Variants in DPP7 observed in about 807,000 individuals in gnomAD.
The protein encoded by DPP7 is dipeptidyl peptidase 2.
In DPP7, 74 loss-of-function variants were observed where a neutral mutation model predicts 58.8. That is an observed-to-expected ratio of 1.26 (90% CI 1.04 to 1.53). DPP7 has a LOEUF of 1.53. Ranked by LOEUF, DPP7 falls within the 40% of genes most tolerant of loss-of-function variation. DPP7 has a pLI of 0.00. For missense variants in DPP7, 807 were observed against 692.3 expected (o/e 1.17, Z -1.86); for synonymous variants, 350 against 303.6 (o/e 1.15, Z -1.59).
chr9:137,113,106 G>T lies in DPP7; in HGVS notation c.717C>A (p.Val239=). 1 of 1,613,628 alleles carries T rather than the reference G, an allele frequency of 6.2e-7. No individual in the cohort carries two copies. The highest frequency in any genetic ancestry group is 8.5e-7 in the Non-Finnish European group (1 of 1,180,024). ...DLFLQGAYDT[V]RWEFGTCQPL... is the part of the protein sequence containing the mutation. Reference sequence around the variant, plus strand: ...GCTGGCAGGTGCCGAACTCCCAGCGGACCGTGTCGTAGGCTGCGTGGAAGG... The same window carrying T: ...GCTGGCAGGTGCCGAACTCCCAGCGTACCGTGTCGTAGGCTGCGTGGAAGG... The change falls in exon 7 of 13, where the codon GTC becomes GTA. Residue 239 remains valine (V), a synonymous_variant. Transcript: ENST00000371579.
intron 8 of DPP7, 73 bp from the exon 9 acceptor site, chr9:137,112,303 C>A: frequency 7.8e-7 from 1 of 1,281,022 alleles, no homozygotes; most frequent in African/African-American, 1.5e-5. Context: ...CAACCTGTCC[C>A]CCCTCGGAAT....
rs1831306892 is a variant in DPP7 at position 137,110,608 on chromosome 9, C to G, written c.*40G>C. ...GCCGCCAGCTGCTTGAGTGAAGCCCCCACTCCATGAGGAGCCTTGAGACCC... is the reference window on the plus strand; with the variant it reads ...GCCGCCAGCTGCTTGAGTGAAGCCCGCACTCCATGAGGAGCCTTGAGACCC... On this transcript the variant is annotated 3_prime_UTR_variant, in exon 13 of 13. Coordinates refer to ENST00000371579, the MANE Select transcript of DPP7 (RefSeq NM_013379.3). 1.3e-6 allele frequency: 2 copies of G among 1,590,514 alleles called. No individual in the cohort carries two copies. Among genetic ancestry groups the G allele is most frequent in the Non-Finnish European group, 1.7e-6 (2 of 1,168,252 alleles).
In DPP7 at chr9:137,112,218, T is replaced by C. The variant is rs1318099328; in HGVS notation, c.944A>G (p.Asn315Ser). 6.2e-7 allele frequency: 1 copy of C among 1,600,230 alleles called. No homozygotes were observed. Among genetic ancestry groups the C allele is most frequent in the Non-Finnish European group, 8.5e-7 (1 of 1,179,098 alleles). The change falls in exon 9 of 13, where the codon AAC becomes AGC. Residue 315 changes from asparagine (N) to serine (S), a missense_variant. Physicochemically the swap from Asn to Ser is conservative, Grantham distance 46. Transcript: ENST00000371579. Reference protein sequence around the residue: ...GLRALAGLVYNASGSEHCYDI... With the variant: ...GLRALAGLVYSASGSEHCYDI... Reference sequence around the variant, plus strand: ...GTAGCAGTGCTCGGAGCCCGAGGCGTTGTAGACCAGCCCTGGGGAGGAGAG... The same window carrying C: ...GTAGCAGTGCTCGGAGCCCGAGGCGCTGTAGACCAGCCCTGGGGAGGAGAG...
At position 137,114,544 on chromosome 9, in the gene DPP7, G is replaced by T. The variant is rs1180049922; in HGVS notation, c.100C>A (p.Arg34Ser). 1.9e-6 allele frequency: 3 copies of T among 1,567,622 alleles called. No individual in the cohort carries two copies. Among genetic ancestry groups the T allele is most frequent in the African/African-American group, 2.8e-5 (2 of 71,882 alleles). The change falls in exon 2 of 13, where the codon CGC (arginine) becomes AGC (serine). Residue 34 changes from arginine to serine, a missense_variant. By Grantham distance (110) the Arg-to-Ser change is moderately radical. Transcript: ENST00000371579. ...TGGTCCAGACGCTGCTGGAAGAAGC[G>T]CTCCTGGAAGCCGGGGTCCGGGGCC... ...RRAPDPGFQE[R>S]FFQQRLDHFN... is the part of the protein sequence containing the mutation.
upstream of DPP7, chr9:137,114,950 C>T: frequency 3.0e-6 from 1 of 329,170 alleles, no homozygotes; most frequent in Non-Finnish European, 5.5e-6. Flanking sequence ...CCGCGGCCTC[C>T]CGCCCCACTG....
chr9:137,111,213 G>A (rs1426735979), intron 11 of DPP7, among the ~76,000 whole-genome samples: 1 of 151,430 alleles, frequency 6.6e-6, no homozygotes, highest in Non-Finnish European at 1.5e-5. Context: ...AGGGGCAGGT[G>A]AGGGGCCTGT....
At chr9:137,116,105 C>T (rs561220320), upstream of DPP7, among the ~76,000 whole-genome samples, 2 of 152,288 alleles carry the variant, frequency 1.3e-5, no homozygotes, top group African/African-American at 4.8e-5. Context: ...TTGGCTGGGC[C>T]CACAGAGGGG....
In DPP7 at chr9:137,111,859, C is replaced by G. The variant is rs556621023; in HGVS notation, c.1207+14G>C. On this transcript the variant is annotated intron_variant, in intron 10 of 12. Coordinates refer to ENST00000371579, the MANE Select transcript of DPP7 (RefSeq NM_013379.3). ...CAGAAAGCAGGACGCTGGCCCACCC[C>G]CCCTCAGCCTTACCACCCCCCCAGA... 4.1e-6 allele frequency: 6 copies of G among 1,477,150 alleles called. No homozygotes were observed. The allele number at this position is 1,477,150 out of a possible 1,614,324, so 91.5% of individuals were successfully genotyped here.
chr9:137,114,298 G>A lies in DPP7; in HGVS notation c.266C>T (p.Ala89Val). ...CTCGGCCGCCAGCTCCGCGACGAAGGCCGAGTTGTTGGCGAAGGCCCACAC... is the reference window on the plus strand; with the variant it reads ...CTCGGCCGCCAGCTCCGCGACGAAGACCGAGTTGTTGGCGAAGGCCCACAC... The part of the protein sequence containing the change: ...GDVWAFANNS[A>V]FVAELAAERG... Residue 89 changes from alanine (A) to valine (V), a missense_variant, in exon 3 of 13, where the codon GCC becomes GTC. Ala to Val is a moderately conservative substitution (Grantham distance 64). Around this residue, in one of 3 missense-constraint regions of DPP7, gnomAD observed 168 missense variants for 124.1 expected, o/e 1.35. Transcript: ENST00000371579. The A allele has an allele frequency of 1.5e-6, 1 of 676,240 alleles. No homozygotes were observed. Among genetic ancestry groups the A allele is most frequent in the Non-Finnish European group, 2.5e-6 (1 of 401,048 alleles). 41.9% of individuals were successfully genotyped at this position (676,240 alleles called of 1,614,324 possible).
Position 137,114,658 on chromosome 9 carries a change from A to T in DPP7, c.56T>A (p.Leu19His). 7.3e-7 allele frequency: 1 copy of T among 1,370,264 alleles called. No individual in the cohort carries two copies. The highest frequency in any genetic ancestry group is 1.7e-5 in the South Asian group (1 of 58,728). The allele number at this position is 1,370,264 out of a possible 1,614,324, so 84.9% of individuals were successfully genotyped here. ...VLLLALGLRG[L>H]QAGARRAPDP... Reference sequence around the variant, plus strand: ...GCGCCGCCACTCACCCCCCGCCTGGAGGCCGCGCAGCCCGAGCGCCAGCAG... The same window carrying T: ...GCGCCGCCACTCACCCCCCGCCTGGTGGCCGCGCAGCCCGAGCGCCAGCAG... Residue 19 changes from leucine (L) to histidine (H), a missense_variant, in exon 1 of 13, where the codon CTC becomes CAC. Physicochemically the swap from Leu to His is moderately conservative, Grantham distance 99. This residue lies in a region of DPP7 where 168 missense variants were observed against 124.1 expected (regional missense o/e 1.35). Coordinates refer to ENST00000371579, the MANE Select transcript of DPP7 (RefSeq NM_013379.3).
chr9:137,116,505 C>T (rs1370567349), upstream of DPP7, among the ~76,000 whole-genome samples: 2 of 152,250 alleles, frequency 1.3e-5, no homozygotes, highest in African/African-American at 4.8e-5. Context: ...AAAGTCATCG[C>T]CATCCTCCAT....
chr9:137,115,098 G>A (rs1057085906), upstream of DPP7: 5 of 181,886 alleles, frequency 2.7e-5, no homozygotes, highest in East Asian at 5.5e-4. Flanking sequence ...CCGTTCTGCT[G>A]CCCTAAGGGC....
At chr9:137,116,401 G>A (rs988322684), upstream of DPP7, among the ~76,000 whole-genome samples, 20 of 152,386 alleles carry the variant, frequency 1.3e-4, no homozygotes, top group African/African-American at 4.8e-4. Context: ...TGTGCCCACA[G>A]AAACATGTGC....
chr9:137,110,675 C>T lies in DPP7; in HGVS notation c.1452G>A (p.Leu484=). 6.2e-7 allele frequency: 1 copy of T among 1,609,958 alleles called. No homozygotes were observed. Among genetic ancestry groups the T allele is most frequent in the Non-Finnish European group, 8.5e-7 (1 of 1,179,956 alleles). ...KAARREQQPA[L]RGGPRLSL ...AGAGGCTGAGTCTGGGCCCCCCACG[C>T]AGAGCTGGCTGCTGCTCACGCCTGG... The change falls in exon 13 of 13, where the codon CTG becomes CTA. Residue 484 remains leucine, a synonymous_variant. Transcript: ENST00000371579.
At chr9:137,114,441 C>T (rs1234026940) in intron 2 of DPP7, 22 bp downstream of exon 2, 9 of 1,555,860 alleles carry the variant, frequency 5.8e-6, no homozygotes, top group East Asian at 2.4e-5. Context: ...CGGGGGCGGC[C>T]GGGCCGGGGC....
At chr9:137,113,806 G>A (rs1831497405) in intron 4 of DPP7, 59 bp downstream of exon 4, 2 of 1,410,158 alleles carry the variant, frequency 1.4e-6, no homozygotes, top group Non-Finnish European at 1.9e-6. Context: ...GAGAAGGGCT[G>A]GGGGCGCTGG....
At chr9:137,116,761 G>A (rs1831651474), upstream of DPP7, among the ~76,000 whole-genome samples, 1 of 152,206 alleles carries the variant, frequency 6.6e-6, no homozygotes, top group South Asian at 2.1e-4. Context: ...ACATGCCCCT[G>A]GGAACGGAAT....
chr9:137,116,276 G>C (rs1370233711), upstream of DPP7, among the ~76,000 whole-genome samples: 41 of 152,246 alleles, frequency 2.7e-4, no homozygotes, highest in Admixed American at 2.7e-3. Flanking sequence ...CCAGGGGTGA[G>C]GGTGGCCACA....
Position 137,111,982 on chromosome 9 carries a change from A to G in DPP7, c.1098T>C (p.Asp366=). ...NLTFASNNVT[D]MFPDLPFTDE... Reference sequence around the variant, plus strand: ...CAGTGAAGGGCAGGTCCGGGAACATATCGGTCACATTGTTGCTGGCGAAGG... The same window carrying G: ...CAGTGAAGGGCAGGTCCGGGAACATGTCGGTCACATTGTTGCTGGCGAAGG... The change falls in exon 10 of 13, where the codon GAT becomes GAC. Residue 366 remains aspartate, a synonymous_variant. Transcript: ENST00000371579. 1.9e-6 allele frequency: 3 copies of G among 1,613,078 alleles called. No homozygotes were observed. The highest frequency in any genetic ancestry group is 2.5e-6 in the Non-Finnish European group (3 of 1,179,732).
Sources: allele counts gnomAD v4.1 joint callset (sites outside exome capture counted in the v4.1 genomes callset), GRCh38; gene constraint gnomAD v4.1.1; regional missense constraint gnomAD v4.1.1; transcripts MANE v1.5; gene names NCBI Gene and HGNC (gene_info 2026-07-23, HGNC 2026-07-21).